Variants in ALDH1A2 observed in about 807,000 individuals in gnomAD.
ALDH1A2 encodes the protein retinal dehydrogenase 2.
ALDH1A2 carries 27 observed loss-of-function variants against 60.3 expected under a neutral mutation model. That is an observed-to-expected ratio of 0.45 (90% CI 0.33 to 0.62). The LOEUF (loss-of-function observed/expected upper bound fraction) is 0.62, where lower values mean the gene tolerates loss of function less well. ALDH1A2 is among the 20% of genes least tolerant of loss of function. The pLI is 0.02. For missense variants in ALDH1A2, 581 were observed against 643.8 expected, an observed-to-expected ratio of 0.90 and a Z score of 1.06; for synonymous variants, 289 against 232.4, an observed-to-expected ratio of 1.24 and a Z score of -2.21.
intron 7 of ALDH1A2, among the ~76,000 whole-genome samples, chr15:57,983,642 A>G (rs925437645): frequency 2.0e-5 from 3 of 152,178 alleles, no homozygotes; most frequent in Non-Finnish European, 4.4e-5. Context: ...ACAGAACTTT[A>G]GTTTTGTCCT....
At chr15:58,029,457 C>T (rs1368752052) in intron 1 of ALDH1A2, among the ~76,000 whole-genome samples, 2 of 151,892 alleles carry the variant, frequency 1.3e-5, no homozygotes, top group Admixed American at 1.3e-4. Context: ...GATCTAAACT[C>T]AACCCCCTAA....
intron 12 of ALDH1A2, among the ~76,000 whole-genome samples, chr15:57,958,337 G>A (rs1234146133): frequency 6.6e-6 from 1 of 152,248 alleles, no homozygotes; most frequent in Admixed American, 6.5e-5. Context: ...CATCTCCTCA[G>A]TTTGTGACAT....
chr15:57,954,685 A>C lies in ALDH1A2; in HGVS notation c.*512T>G. Reference sequence around the variant, plus strand: ...CATGTTTTGCTTTGAAGAAATGGATAACATGAAATGATAATTTGGCTTTAC... The same window carrying C: ...CATGTTTTGCTTTGAAGAAATGGATCACATGAAATGATAATTTGGCTTTAC... On this transcript the variant is annotated 3_prime_UTR_variant, in exon 13 of 13. Transcript: ENST00000249750. 1 of 187,742 alleles carries C rather than the reference A, an allele frequency of 5.3e-6. No homozygotes were observed. The highest frequency in any genetic ancestry group is 1.1e-5 in the Non-Finnish European group (1 of 87,122). The allele number at this position is 187,742 out of a possible 1,614,324, so 11.6% of individuals were successfully genotyped here.
chr15:58,048,758 T>A (rs1457378169), intron 1 of ALDH1A2, among the ~76,000 whole-genome samples: 1 of 152,090 alleles, frequency 6.6e-6, no homozygotes, highest in Non-Finnish European at 1.5e-5. Context: ...ATGACAGGTA[T>A]GACTAACACC....
intron 4 of ALDH1A2, among the ~76,000 whole-genome samples, chr15:58,009,849 T>C (rs1895573900): frequency 6.6e-6 from 1 of 152,074 alleles, no homozygotes; most frequent in South Asian, 2.1e-4. Context: ...TAACAGTGCC[T>C]TTCTCTTGGG....
chr15:57,992,991 T>G lies in ALDH1A2; in HGVS notation c.638A>C (p.Glu213Ala). ...CGNTVVIKPAEQTPLSALYMG... is the reference protein window; with the variant it reads ...CGNTVVIKPAAQTPLSALYMG... ...GTAGAGTGCACTGAGTGGTGTTTGC[T>G]CTGCTGGCTTAATAACTACTGTATT... Residue 213 changes from glutamate (E) to alanine (A), a missense_variant, in exon 6 of 13, where the codon GAG becomes GCG. Around this residue, in one of 2 missense-constraint regions of ALDH1A2, gnomAD observed 375 missense variants for 469.7 expected, o/e 0.80. Transcript: ENST00000249750. The G allele has an allele frequency of 1.9e-6, 3 of 1,613,994 alleles. No individual in the cohort carries two copies. The highest frequency in any genetic ancestry group is 2.5e-6 in the Non-Finnish European group (3 of 1,179,992).
chr15:57,986,175 T>C (rs951395340), intron 7 of ALDH1A2, among the ~76,000 whole-genome samples: 6 of 152,302 alleles, frequency 3.9e-5, no homozygotes, highest in African/African-American at 1.2e-4. Context: ...TGAAATTGTT[T>C]TATTCAAACA....
At chr15:58,046,176 A>T (rs1220898013) in intron 1 of ALDH1A2, among the ~76,000 whole-genome samples, 1 of 152,060 alleles carries the variant, frequency 6.6e-6, no homozygotes, top group Non-Finnish European at 1.5e-5. Context: ...GTCTCCAAGG[A>T]AGGTAGTCTG....
intron 3 of ALDH1A2, among the ~76,000 whole-genome samples, chr15:58,011,244 T>C (rs1895624988): frequency 1.3e-5 from 2 of 152,172 alleles, no homozygotes; most frequent in Admixed American, 6.5e-5. Context: ...GGAATATCCA[T>C]GGTGCACAGC....
chr15:57,978,398 G>A lies in ALDH1A2; in HGVS notation c.799-12571C>T, dbSNP rs144314181. Among the ~76,000 whole-genome samples, 286 of 152,208 alleles carry A rather than the reference G, an allele frequency of 1.9e-3. 1 individual carries two copies. The highest frequency in any genetic ancestry group is 3.4e-3 in the Middle Eastern group (1 of 294). ...GTTTATTGGATTTTTAGCATGAAGG[G>A]GTATTGAATTTTATTGAAGGACTTT... On this transcript the variant is annotated intron_variant, in intron 7 of 12. Transcript: ENST00000249750.
At chr15:58,005,595 C>T (rs547987517) in intron 4 of ALDH1A2, among the ~76,000 whole-genome samples, 54 of 152,056 alleles carry the variant, frequency 3.6e-4, no homozygotes, top group Non-Finnish European at 6.3e-4. Flanking sequence ...GACATAATGG[C>T]TTATTTCTTC....
intron 7 of ALDH1A2, among the ~76,000 whole-genome samples, chr15:57,992,056 C>CAATA (rs1555401384): frequency 2.0e-5 from 3 of 152,042 alleles, no homozygotes; most frequent in Non-Finnish European, 4.4e-5. Context: ...TGTCTAGAAA[C>CAATA]AATAAAAAGA....
At chr15:57,963,221 G>C (rs1214752032) in intron 9 of ALDH1A2, among the ~76,000 whole-genome samples, 1 of 152,172 alleles carries the variant, frequency 6.6e-6, no homozygotes, top group Non-Finnish European at 1.5e-5. Context: ...GCATCTGTAG[G>C]GATGTCCTAA....
At chr15:58,003,464 G>A (rs1895343350) in intron 4 of ALDH1A2, among the ~76,000 whole-genome samples, 1 of 151,896 alleles carries the variant, frequency 6.6e-6, no homozygotes, top group Admixed American at 6.6e-5. Flanking sequence ...CTGGAAGAGG[G>A]TGAAATGGAA....
At chr15:58,013,741 G>C (rs1025652520) in intron 3 of ALDH1A2, 117 bp downstream of exon 3, 2 of 1,374,314 alleles carry the variant, frequency 1.5e-6, no homozygotes, top group Non-Finnish European at 1.9e-6. Context: ...GACAGAGCTA[G>C]ACTCCGTCTC....
intron 7 of ALDH1A2, chr15:57,979,982 T>C (rs1894429741): frequency 2.9e-6 from 1 of 343,896 alleles, no homozygotes; most frequent in Non-Finnish European, 6.1e-6. Context: ...CCAGGAGCTG[T>C]CATGCTCACC....
intron 1 of ALDH1A2, among the ~76,000 whole-genome samples, chr15:58,049,163 G>C (rs117382336): frequency 5.9e-4 from 90 of 152,136 alleles, no homozygotes; most frequent in Non-Finnish European, 1.1e-3. Context: ...TCTTTTCACT[G>C]CTGAAGAGTA....
intron 4 of ALDH1A2, among the ~76,000 whole-genome samples, chr15:57,999,626 T>C (rs1232676536): frequency 2.0e-5 from 3 of 152,038 alleles, no homozygotes; most frequent in African/African-American, 7.2e-5. Flanking sequence ...GAATGTAAAT[T>C]AGTTCAACCA....
intron 1 of ALDH1A2, among the ~76,000 whole-genome samples, chr15:58,040,798 T>C (rs1306707417): frequency 1.3e-5 from 2 of 151,916 alleles, no homozygotes; most frequent in East Asian, 3.9e-4. Context: ...ATTTGCGTGC[T>C]TACTATTTAC....
Sources: allele counts gnomAD v4.1 joint callset (sites outside exome capture counted in the v4.1 genomes callset), GRCh38; gene constraint gnomAD v4.1.1; regional missense constraint gnomAD v4.1.1; transcripts MANE v1.5; gene names NCBI Gene and HGNC (gene_info 2026-07-23, HGNC 2026-07-21).